Variants in DOCK3 observed in about 807,000 individuals in gnomAD.
DOCK3 encodes dedicator of cytokinesis 3.
Under a neutral mutation model 265.6 loss-of-function variants are expected in DOCK3, and 60 were observed. The ratio of observed to expected loss-of-function variants is 0.23; its 90% confidence interval spans 0.18 to 0.28. The LOEUF (loss-of-function observed/expected upper bound fraction) is 0.28. Among genes scored for constraint, DOCK3 ranks in the 10% least tolerant of loss-of-function variants. The pLI is 1.00. For synonymous variants in DOCK3, 881 were observed against 938.0 expected, an observed-to-expected ratio of 0.94 and a Z score of 1.11; for missense variants, 1,981 against 2,594.3, an observed-to-expected ratio of 0.76 and a Z score of 5.14.
At chr3:51,356,871 CA>C (rs2086400194) in intron 43 of DOCK3, 90 bp from the exon 44 acceptor site, 3 of 1,406,202 alleles carry the variant, frequency 2.1e-6, no homozygotes, top group African/African-American at 1.4e-5. Context: ...GAAGGGGAAT[CA>C]ATACCACAGA....
intron 3 of DOCK3, among the ~76,000 whole-genome samples, chr3:50,888,415 C>T (rs918398610): frequency 3.3e-5 from 5 of 152,118 alleles, no homozygotes; most frequent in African/African-American, 9.7e-5. Flanking sequence ...GAATGCATAT[C>T]GTGAAAATGG....
At chr3:51,202,187 T>G (rs2088829909) in intron 12 of DOCK3, among the ~76,000 whole-genome samples, 1 of 113,728 alleles carries the variant, frequency 8.8e-6, no homozygotes. Context: ...CTGAAGGAAA[T>G]AGAGACACAA....
At chr3:51,311,919 C>A in intron 28 of DOCK3, 85 bp from the exon 29 acceptor site, 2 of 961,990 alleles carry the variant, frequency 2.1e-6, no homozygotes, top group Admixed American at 2.7e-5. Context: ...GAAGTTTGCA[C>A]ACAGGCTATA....
At chr3:51,156,635 T>C (rs984841090) in intron 10 of DOCK3, among the ~76,000 whole-genome samples, 3 of 152,234 alleles carry the variant, frequency 2.0e-5, no homozygotes, top group African/African-American at 7.2e-5. Flanking sequence ...TTGCACTAAT[T>C]ATTGTCTTAT....
At chr3:51,275,324 C>G in intron 25 of DOCK3, 118 bp downstream of exon 25, 1 of 1,488,154 alleles carries the variant, frequency 6.7e-7, no homozygotes. Flanking sequence ...ATGCTTTCAT[C>G]AGTGACAGGA....
intron 4 of DOCK3, among the ~76,000 whole-genome samples, chr3:50,922,444 A>C (rs908580227): frequency 1.3e-5 from 2 of 152,140 alleles, no homozygotes; most frequent in Admixed American, 1.3e-4. Context: ...TTTTCCAGTT[A>C]CTGTCTGTCA....
At chr3:51,189,704 T>C (rs78874461) in intron 12 of DOCK3, among the ~76,000 whole-genome samples, 2,043 of 152,350 alleles carry the variant, frequency 0.013, 51 homozygotes, top group African/African-American at 0.045. Context: ...CAGTTGTTAA[T>C]TGTACTGCAA....
chr3:50,745,947 C>A (rs1291691248), intron 1 of DOCK3, among the ~76,000 whole-genome samples: 1 of 152,114 alleles, frequency 6.6e-6, no homozygotes, highest in Non-Finnish European at 1.5e-5. Flanking sequence ...TGTGTCACTT[C>A]ACTGTTATTG....
Position 51,362,000 on chromosome 3 carries a change from ACAGAGCTGTC to A in DOCK3, c.5145+6_5145+15del. 6.2e-7 allele frequency: 1 copy of A among 1,604,442 alleles called. No homozygotes were observed. The highest frequency in any genetic ancestry group is 2.2e-5 in the East Asian group (1 of 44,486). ...AGGACCTGTACCACCACATGCAGGT[ACAGAGCTGTC>A]CACGGAGAGTGGGCCAGGGCACCAT... On this transcript the variant is annotated splice_donor_5th_base_variant and intron_variant, in intron 48 of 52. Transcript: ENST00000266037. This position sits in a 1 kb window ranked among gnomAD's most constrained non-coding sequence, Gnocchi z 4.2.
chr3:51,043,834 A>G (rs2080642978), intron 5 of DOCK3, among the ~76,000 whole-genome samples: 1 of 152,212 alleles, frequency 6.6e-6, no homozygotes, highest in Admixed American at 6.5e-5. Context: ...AAAGCTCAAC[A>G]TCACTGATCA....
In DOCK3 at chr3:51,308,912, C is replaced by T. The variant is rs1297040729; in HGVS notation, c.2923-1320C>T. Among the ~76,000 whole-genome samples the T allele has an allele frequency of 1.5e-4, 22 of 149,942 alleles. No homozygotes were observed. The East Asian group carries it at 2.4e-3, about 16-fold the overall frequency. On this transcript the variant is annotated intron_variant, in intron 27 of 52. Coordinates refer to ENST00000266037, the MANE Select transcript of DOCK3 (RefSeq NM_004947.5). ...GGGTCTCCTCACTTCTCAGACGGGGCGGCCGGGCAGAGACGCTCCTCACCT... is the reference window on the plus strand; with the variant it reads ...GGGTCTCCTCACTTCTCAGACGGGGTGGCCGGGCAGAGACGCTCCTCACCT...
At chr3:50,966,010 ACT>A (rs2077018768) in intron 5 of DOCK3, among the ~76,000 whole-genome samples, 1 of 137,164 alleles carries the variant, frequency 7.3e-6, no homozygotes, top group Admixed American at 7.9e-5. Context: ...CCACCATTCT[ACT>A]CTCTGTTTCT....
intron 21 of DOCK3, among the ~76,000 whole-genome samples, chr3:51,242,880 G>A (rs2078670222): frequency 6.6e-6 from 1 of 152,154 alleles, no homozygotes; most frequent in African/African-American, 2.4e-5. Flanking sequence ...AGTTGCAGTG[G>A]GTCCTGGGGA....
At chr3:51,119,158 G>C (rs984059125) in intron 9 of DOCK3, among the ~76,000 whole-genome samples, 2 of 152,088 alleles carry the variant, frequency 1.3e-5, no homozygotes, top group Non-Finnish European at 2.9e-5. Context: ...AGGCAGGCCT[G>C]GGTAGTGACA....
At chr3:51,017,757 A>G (rs1176752011) in intron 5 of DOCK3, among the ~76,000 whole-genome samples, 4 of 151,848 alleles carry the variant, frequency 2.6e-5, no homozygotes, top group Non-Finnish European at 5.9e-5. Context: ...GTCCTAACAT[A>G]TGGTCTATCA....
chr3:50,933,904 G>A, intron 4 of DOCK3, 77 bp from the exon 5 acceptor site: 2 of 922,132 alleles, frequency 2.2e-6, no homozygotes, highest in Non-Finnish European at 3.2e-6. Flanking sequence ...AGTTAAACAA[G>A]TAGAAAAAGA....
At chr3:51,169,069 TA>T (rs1276638191) in intron 12 of DOCK3, among the ~76,000 whole-genome samples, 4 of 152,028 alleles carry the variant, frequency 2.6e-5, no homozygotes, top group African/African-American at 9.7e-5. Context: ...TGGCTATCAT[TA>T]AAAAGTAAAA....
intron 35 of DOCK3, among the ~76,000 whole-genome samples, chr3:51,335,110 T>C (rs757371550): frequency 7.2e-5 from 11 of 152,136 alleles, no homozygotes; most frequent in Non-Finnish European, 1.2e-4. Flanking sequence ...CCACGAGTGC[T>C]CTACATACAT....
chr3:51,146,283 A>G (rs1359434487), intron 9 of DOCK3, among the ~76,000 whole-genome samples: 1 of 152,206 alleles, frequency 6.6e-6, no homozygotes, highest in African/African-American at 2.4e-5. Flanking sequence ...TGCTGCCCTC[A>G]GGGAGCACAC....
Sources: gnomAD v4.1 joint callset for allele counts (sites outside exome capture counted in the v4.1 genomes callset) on GRCh38, gnomAD v4.1.1 for gene constraint, Gnocchi (gnomAD v3.1) non-coding constraint, MANE v1.5 for transcripts, NCBI Gene and HGNC (gene_info 2026-07-23, HGNC 2026-07-21) for gene names.